TLR7: variants seen among roughly 807,000 people sequenced by gnomAD.
The protein encoded by TLR7 is toll-like receptor 7.
In TLR7, 12 loss-of-function variants were observed where a neutral mutation model predicts 38.3. That is an observed-to-expected ratio of 0.31 (90% CI 0.20 to 0.51). The LOEUF is 0.51. TLR7 is among the 20% of genes least tolerant of loss of function. TLR7 has a pLI of 0.98. For synonymous variants in TLR7, 285 were observed against 293.8 expected, an observed-to-expected ratio of 0.97 and a Z score of 0.31; for missense variants, 504 against 743.4, an observed-to-expected ratio of 0.68 and a Z score of 3.74.
rs1240179253 is a variant in TLR7 at position 12,889,855 on chromosome X, TC to T, written c.*1199del. 1 of 112,692 alleles carries T rather than the reference TC, an allele frequency of 8.9e-6. No homozygotes were observed. Among genetic ancestry groups the T allele is most frequent in the Non-Finnish European group, 1.9e-5 (1 of 53,374 alleles). 9.3% of individuals were successfully genotyped at this position (112,692 alleles called of 1,213,427 possible). A position where few individuals can be genotyped will look rare whatever the true frequency, so the allele number is the denominator to read the frequency against. On this transcript the variant is annotated 3_prime_UTR_variant, in exon 3 of 3. Coordinates refer to ENST00000380659, the MANE Select transcript of TLR7 (RefSeq NM_016562.4). The stretch of plus-strand genomic sequence containing the variant: ...TTGATGGTAAACCCTAAAGGAGGAC[TC>T]CAAGAGTGTGTATTTATTTATAGTT...
chrX:12,886,667 AG>A lies in TLR7; in HGVS notation c.1160del (p.Ser387ThrfsTer23). On this transcript the variant is annotated frameshift_variant, in exon 3 of 3. Transcript: ENST00000380659. LOFTEE classifies it high-confidence loss of function. ...IRGYVFKELK[S>X]FNLSPLHNLQ... is the part of the protein sequence containing the mutation. ...AGGATATGTCTTTAAAGAGTTGAAA[AG>A]CTTTAACCTCTCGCCATTACATAAT... 8.3e-7 allele frequency: 1 copy of A among 1,211,773 alleles called. No individual in the cohort carries two copies. Among genetic ancestry groups the A allele is most frequent in the Non-Finnish European group, 1.1e-6 (1 of 895,249 alleles).
intron 2 of TLR7, among the ~76,000 whole-genome samples, chrX:12,870,018 TG>T (rs1255015316): frequency 9.1e-6 from 1 of 110,133 alleles, no homozygotes; most frequent in Non-Finnish European, 1.9e-5. Context: ...ATAAGTACCG[TG>T]TATTCCTCAT....
Position 12,886,910 on chromosome X carries a change from TATG to T in TLR7, c.1405_1407del (p.Asp469del). 1 of 1,207,785 alleles carries T rather than the reference TATG, an allele frequency of 8.3e-7. No homozygotes were observed. The highest frequency in any genetic ancestry group is 1.1e-6 in the Non-Finnish European group (1 of 893,332). ...CCTGGAACAATTACATTATTTCAGATATGATAAGTATGCAAGGAGTTGCAGATT... is the reference window on the plus strand; with the variant it reads ...CCTGGAACAATTACATTATTTCAGATATAAGTATGCAAGGAGTTGCAGATT... On this transcript the variant is annotated inframe_deletion, in exon 3 of 3. Transcript: ENST00000380659.
At chrX:12,872,233 AAAC>A (rs2042855595) in intron 2 of TLR7, among the ~76,000 whole-genome samples, 1 of 111,945 alleles carries the variant, frequency 8.9e-6, no homozygotes, top group African/African-American at 3.3e-5. Flanking sequence ...CAATGGCTTC[AAAC>A]AACAACAATC....
chrX:12,883,954 A>G (rs1166212797), intron 2 of TLR7, among the ~76,000 whole-genome samples: 1 of 111,228 alleles, frequency 9.0e-6, no homozygotes, highest in Non-Finnish European at 1.9e-5. Flanking sequence ...ATTTACCTCC[A>G]ATTAGAGGAA....
At position 12,885,818 on chromosome X, in the gene TLR7, C is replaced by T. The variant is rs1476909613; in HGVS notation, c.310C>T (p.Pro104Ser). The change falls in exon 3 of 3, where the codon CCA becomes TCA. Residue 104 changes from proline (P) to serine (S), a missense_variant. By Grantham distance (74) the Pro-to-Ser change is moderately conservative (BLOSUM62 -1). Transcript: ENST00000380659. Reference sequence around the variant, plus strand: ...TTTCAGATGCAACTGTGTACCTATTCCACTGGGGTCAAAAAACAACATGTG... The same window carrying T: ...TTTCAGATGCAACTGTGTACCTATTTCACTGGGGTCAAAAAACAACATGTG... ...IDFRCNCVPI[P>S]LGSKNNMCIK... 1 of 1,210,228 alleles carries T rather than the reference C, an allele frequency of 8.3e-7. No homozygotes were observed. Among genetic ancestry groups the T allele is most frequent in the Non-Finnish European group, 1.1e-6 (1 of 895,260 alleles).
Position 12,887,725 on chromosome X carries a change from G to A in TLR7, c.2217G>A (p.Thr739=), listed in dbSNP as rs192616579. Residue 739 remains threonine (T), a synonymous_variant, in exon 3 of 3, where the codon ACG becomes ACA. Coordinates refer to ENST00000380659, the MANE Select transcript of TLR7 (RefSeq NM_016562.4). ...ILKNNQIRSL[T]KYFLQDAFQL... is the part of the protein sequence containing the mutation. ...AGAATAATCAAATCAGGAGTCTGAC[G>A]AAGTATTTTCTACAAGATGCCTTCC... 2.6e-5 allele frequency: 32 copies of A among 1,209,505 alleles called. No individual in the cohort carries two copies. The South Asian group carries it at 3.5e-4, about 13-fold the overall frequency.
chrX:12,885,179 C>T (rs1181471897), intron 2 of TLR7, among the ~76,000 whole-genome samples: 2 of 112,390 alleles, frequency 1.8e-5, no homozygotes, highest in Non-Finnish European at 3.8e-5. Context: ...CATTTCTTCA[C>T]CCTCCAAATT....
Position 12,888,597 on chromosome X carries a change from A to G in TLR7, c.3089A>G (p.Lys1030Arg). 8.3e-7 allele frequency: 1 copy of G among 1,211,502 alleles called. No individual in the cohort carries two copies. Among genetic ancestry groups the G allele is most frequent in the Non-Finnish European group, 1.1e-6 (1 of 895,375 alleles). ...CACCCATACTTCTGGCAGTGTCTAA[A>G]GAACGCCCTGGCCACAGACAATCAT... Reference protein sequence around the residue: ...QAHPYFWQCLKNALATDNHVA... With the variant: ...QAHPYFWQCLRNALATDNHVA... Residue 1030 changes from lysine (K) to arginine (R), a missense_variant, in exon 3 of 3, where the codon AAG (lysine) becomes AGG (arginine). Transcript: ENST00000380659.
chrX:12,868,689 C>T (rs1264400660), intron 2 of TLR7, among the ~76,000 whole-genome samples: 3 of 111,345 alleles, frequency 2.7e-5, no homozygotes, highest in Non-Finnish European at 5.7e-5. Context: ...AAAACTTAGT[C>T]GGAAAAAGAC....
At chrX:12,868,630 C>G (rs5743718) in intron 2 of TLR7, among the ~76,000 whole-genome samples, 2,565 of 111,558 alleles carry the variant, frequency 0.023, 81 homozygotes, top group African/African-American at 0.079. Context: ...GACTATTTTT[C>G]AAGTCCTTTG....
rs368187775 is a variant in TLR7, at chrX:12,886,372, G to A, written c.864G>A (p.Ala288=). The change falls in exon 3 of 3, where the codon GCG becomes GCA. Residue 288 remains alanine, a synonymous_variant. Coordinates refer to ENST00000380659, the MANE Select transcript of TLR7 (RefSeq NM_016562.4). ...PLQIPVNAFD[A]LTELKVLRLH... ...AGATCCCTGTAAATGCTTTTGATGCGCTGACAGAATTAAAAGTTTTACGTC... is the reference window on the plus strand; with the variant it reads ...AGATCCCTGTAAATGCTTTTGATGCACTGACAGAATTAAAAGTTTTACGTC... 5.4e-5 allele frequency: 65 copies of A among 1,210,064 alleles called. 1 individual carries two copies. The South Asian group carries it at 1.0e-3, about 19-fold the overall frequency.
Position 12,885,828 on chromosome X carries a change from C to T in TLR7, c.320C>T (p.Ser107Leu). Residue 107 changes from serine (S) to leucine (L), a missense_variant, in exon 3 of 3, where the codon TCA becomes TTA. Transcript: ENST00000380659. ...RCNCVPIPLG[S>L]KNNMCIKRLQ... The stretch of plus-strand genomic sequence containing the variant: ...AACTGTGTACCTATTCCACTGGGGT[C>T]AAAAAACAACATGTGCATCAAGAGG... The T allele has an allele frequency of 8.3e-7, 1 of 1,211,670 alleles. No homozygotes were observed. Among genetic ancestry groups the T allele is most frequent in the Non-Finnish European group, 1.1e-6 (1 of 895,453 alleles).
chrX:12,879,921 G>C (rs1052662781), intron 2 of TLR7, among the ~76,000 whole-genome samples: 3 of 111,772 alleles, frequency 2.7e-5, no homozygotes, highest in Non-Finnish European at 5.6e-5. Flanking sequence ...AGAATTGAGA[G>C]TATCAAAATT....
Position 12,888,731 on chromosome X carries a change from T to C in TLR7, c.*73T>C. ...GCTGTTTAAATTGTTTTCATATATA[T>C]CACACCAAAAGCGTGTTTTGAAATT... On this transcript the variant is annotated 3_prime_UTR_variant, in exon 3 of 3. Coordinates refer to ENST00000380659, the MANE Select transcript of TLR7 (RefSeq NM_016562.4). 1 of 1,059,367 alleles carries C rather than the reference T, an allele frequency of 9.4e-7. No individual in the cohort carries two copies. The highest frequency in any genetic ancestry group is 1.3e-6 in the Non-Finnish European group (1 of 793,476). 87.3% of individuals were successfully genotyped at this position (1,059,367 alleles called of 1,213,427 possible). A position where few individuals can be genotyped will look rare whatever the true frequency, so the allele number is the denominator to read the frequency against.
Position 12,867,233 on chromosome X carries a change from T to A in TLR7, c.-99+110T>A, listed in dbSNP as rs5743715. The A allele has an allele frequency of 6.1e-3, 1,008 of 165,479 alleles. 11 individuals carry two copies. Among genetic ancestry groups the A allele is most frequent in the African/African-American group, 0.029 (951 of 32,947 alleles). 13.6% of individuals were successfully genotyped at this position (165,479 alleles called of 1,213,427 possible). A position where few individuals can be genotyped will look rare whatever the true frequency, so the allele number is the denominator to read the frequency against. On this transcript the variant is annotated intron_variant, in intron 1 of 2. Transcript: ENST00000380659. ...GGAACCGAAATCATATGCACAAAAA[T>A]TTTTTTTAGAATATAAATAAAAAAT...
chrX:12,872,750 A>C (rs1056420555), intron 2 of TLR7, among the ~76,000 whole-genome samples: 1 of 109,438 alleles, frequency 9.1e-6, no homozygotes, highest in Non-Finnish European at 1.9e-5. Context: ...CCTTCAAAAC[A>C]TATCTGGTGT....
chrX:12,888,535 G>C lies in TLR7; in HGVS notation c.3027G>C (p.Gly1009=). Residue 1009 remains glycine (G), a synonymous_variant, in exon 3 of 3, where the codon GGG becomes GGC. Coordinates refer to ENST00000380659, the MANE Select transcript of TLR7 (RefSeq NM_016562.4). Reference sequence around the variant, plus strand: ...TCCAGCTCCGGAAAAGGCTCTGTGGGAGTTCTGTCCTTGAGTGGCCAACAA... The same window carrying C: ...TCCAGCTCCGGAAAAGGCTCTGTGGCAGTTCTGTCCTTGAGTGGCCAACAA... ...KFLQLRKRLC[G]SSVLEWPTNP... 1 of 1,211,814 alleles carries C rather than the reference G, an allele frequency of 8.3e-7. No homozygotes were observed. Among genetic ancestry groups the C allele is most frequent in the Non-Finnish European group, 1.1e-6 (1 of 895,561 alleles).
In TLR7 at chrX:12,887,833, G is replaced by A; in HGVS notation, c.2325G>A (p.Leu775=). 1 of 1,211,856 alleles carries A rather than the reference G, an allele frequency of 8.3e-7. No homozygotes were observed. Among genetic ancestry groups the A allele is most frequent in the Non-Finnish European group, 1.1e-6 (1 of 895,408 alleles). Residue 775 remains leucine, a synonymous_variant, in exon 3 of 3, where the codon CTG becomes CTA. Coordinates refer to ENST00000380659, the MANE Select transcript of TLR7 (RefSeq NM_016562.4). ...TCCCAGAAAATGTCCTCAACAATCTGAAGATGTTGCTTTTGCATCATAATC... is the reference window on the plus strand; with the variant it reads ...TCCCAGAAAATGTCCTCAACAATCTAAAGATGTTGCTTTTGCATCATAATC... ...TSFPENVLNN[L]KMLLLHHNRF...
Sources: allele counts gnomAD v4.1 joint callset (sites outside exome capture counted in the v4.1 genomes callset), GRCh38; gene constraint gnomAD v4.1.1; transcripts MANE v1.5; gene names NCBI Gene and HGNC (gene_info 2026-07-23, HGNC 2026-07-21).